The following CAMK1D variants were observed in gnomAD, a reference collection of about 807,000 sequenced individuals.
CAMK1D encodes calcium/calmodulin-dependent protein kinase type 1D.
Under a neutral mutation model 47.7 loss-of-function variants are expected in CAMK1D, and 9 were observed. That is an observed-to-expected ratio of 0.19 (90% CI 0.11 to 0.33). The LOEUF (loss-of-function observed/expected upper bound fraction) is 0.33. CAMK1D is among the 10% of genes least tolerant of loss of function. CAMK1D has a pLI of 1.00. For missense variants in CAMK1D, 291 were observed against 488.7 expected, an observed-to-expected ratio of 0.60 and a Z score of 3.81; for synonymous variants, 184 against 184.9, an observed-to-expected ratio of 0.99 and a Z score of 0.04.
intron 5 of CAMK1D, among the ~76,000 whole-genome samples, chr10:12,788,595 C>T (rs530437698): frequency 2.6e-5 from 4 of 152,336 alleles, no homozygotes; most frequent in East Asian, 3.9e-4. Context: ...TTGTGGATGT[C>T]GTTGCTTCTC....
At chr10:12,571,453 CAAAAAAA>C in intron 2 of CAMK1D, among the ~76,000 whole-genome samples, 1 of 89,736 alleles carries the variant, frequency 1.1e-5, no homozygotes, top group East Asian at 3.2e-4. Context: ...GACTCCATCA[CAAAAAAA>C]AAAAAAAAAA....
At chr10:12,426,138 A>G (rs1111056) in intron 1 of CAMK1D, among the ~76,000 whole-genome samples, 73,177 of 152,174 alleles carry the variant, frequency 0.48, 18,300 homozygotes, top group Middle Eastern at 0.55. Context: ...TCTTTGGGCC[A>G]TGCAGTATTT....
intron 3 of CAMK1D, among the ~76,000 whole-genome samples, chr10:12,690,467 A>G (rs566703819): frequency 6.6e-6 from 1 of 152,242 alleles, no homozygotes; most frequent in East Asian, 1.9e-4. Flanking sequence ...TATTTAGTAG[A>G]TTTGGGAGAA....
intron 2 of CAMK1D, among the ~76,000 whole-genome samples, chr10:12,558,419 T>C (rs566962449): frequency 2.0e-5 from 3 of 152,276 alleles, no homozygotes; most frequent in African/African-American, 7.2e-5. Flanking sequence ...CTGAGCGTTG[T>C]GGCGCATACC....
At chr10:12,456,501 G>T (rs936500883) in intron 1 of CAMK1D, 1 of 152,130 alleles carries the variant, frequency 6.6e-6, no homozygotes, top group Non-Finnish European at 1.5e-5. Context: ...TGAAAGTAAA[G>T]AAATAGGTTA....
intron 3 of CAMK1D, among the ~76,000 whole-genome samples, chr10:12,708,866 A>G (rs1321602874): frequency 6.6e-6 from 1 of 152,192 alleles, no homozygotes; most frequent in Admixed American, 6.5e-5. Context: ...GTGGTGGCTC[A>G]TATCTGTAAT....
At chr10:12,687,736 G>T (rs1423307458) in intron 3 of CAMK1D, among the ~76,000 whole-genome samples, 1 of 152,092 alleles carries the variant, frequency 6.6e-6, no homozygotes, top group South Asian at 2.1e-4. Flanking sequence ...TCTCAATTCC[G>T]GAGACAAATC....
intron 2 of CAMK1D, among the ~76,000 whole-genome samples, chr10:12,615,096 G>A (rs575144664): frequency 3.9e-5 from 6 of 152,138 alleles, no homozygotes; most frequent in Non-Finnish European, 8.8e-5. Flanking sequence ...CAGGCAGAAC[G>A]CCTGAGAGCC....
chr10:12,373,111 A>G (rs1461261780), intron 1 of CAMK1D, among the ~76,000 whole-genome samples: 1 of 152,152 alleles, frequency 6.6e-6, no homozygotes, highest in African/African-American at 2.4e-5. Context: ...TCAGTGGCAA[A>G]TGAGAGACGT....
intron 1 of CAMK1D, among the ~76,000 whole-genome samples, chr10:12,467,428 T>A (rs1588518462): frequency 6.6e-6 from 1 of 152,136 alleles, no homozygotes; most frequent in Admixed American, 6.6e-5. Context: ...ACTGGGATTA[T>A]AAGCATGAGC....
chr10:12,623,679 G>A (rs1186496464), intron 2 of CAMK1D, among the ~76,000 whole-genome samples: 2 of 151,814 alleles, frequency 1.3e-5, no homozygotes, highest in African/African-American at 4.8e-5. Context: ...GGTAGCTTAG[G>A]CTGAGTGACA....
At chr10:12,789,129 A>G (rs765355492) in intron 5 of CAMK1D, among the ~76,000 whole-genome samples, 3 of 152,212 alleles carry the variant, frequency 2.0e-5, no homozygotes, top group Admixed American at 1.3e-4. Context: ...TTTCCTTTCC[A>G]AGTGTGTCCA....
intron 3 of CAMK1D, among the ~76,000 whole-genome samples, chr10:12,757,712 C>G (rs967029629): frequency 3.3e-5 from 5 of 152,174 alleles, no homozygotes; most frequent in Admixed American, 6.5e-5. Context: ...GATCAGGGTG[C>G]TAGTGTGGGA....
intron 1 of CAMK1D, among the ~76,000 whole-genome samples, chr10:12,458,393 A>C (rs1833321396): frequency 6.6e-6 from 1 of 152,172 alleles, no homozygotes. Flanking sequence ...CTATGTGTTC[A>C]TCATGCATTT....
At chr10:12,771,220 G>A (rs180904598) in intron 5 of CAMK1D, among the ~76,000 whole-genome samples, 49 of 152,308 alleles carry the variant, frequency 3.2e-4, no homozygotes, top group African/African-American at 1.0e-3. Context: ...ATGAGCCGCC[G>A]CGCCTGAGTG....
At chr10:12,382,336 G>A (rs1245692406) in intron 1 of CAMK1D, among the ~76,000 whole-genome samples, 1 of 151,986 alleles carries the variant, frequency 6.6e-6, no homozygotes, top group Non-Finnish European at 1.5e-5. Flanking sequence ...TAATGTATGT[G>A]AAATCCTTAT....
chr10:12,679,507 C>T (rs1200447080), intron 3 of CAMK1D, among the ~76,000 whole-genome samples: 1 of 152,160 alleles, frequency 6.6e-6, no homozygotes, highest in Non-Finnish European at 1.5e-5. Flanking sequence ...CACCTACACA[C>T]GAATAAATTT....
chr10:12,786,143 G>T (rs1245975344), intron 5 of CAMK1D, among the ~76,000 whole-genome samples: 1 of 152,106 alleles, frequency 6.6e-6, no homozygotes, highest in Non-Finnish European at 1.5e-5. Flanking sequence ...AGAATTTAGG[G>T]TATGGGTGTG....
intron 1 of CAMK1D, among the ~76,000 whole-genome samples, chr10:12,547,641 C>CA (rs1479898685): frequency 8.6e-6 from 1 of 116,846 alleles, no homozygotes; most frequent in Non-Finnish European, 1.7e-5. Context: ...ACGAGGACAC[C>CA]CCCCCCCCAA....
Sources: gnomAD v4.1 joint callset for allele counts (sites outside exome capture counted in the v4.1 genomes callset) on GRCh38, gnomAD v4.1.1 for gene constraint, MANE v1.5 for transcripts, NCBI Gene and HGNC (gene_info 2026-07-23, HGNC 2026-07-21) for gene names.